The following PCDHA3 variants were observed in gnomAD, a reference collection of about 807,000 sequenced individuals.
The protein encoded by PCDHA3 is protocadherin alpha-3.
PCDHA3 carries 41 observed loss-of-function variants against 62.2 expected under a neutral mutation model. The ratio of observed to expected loss-of-function variants is 0.66; its 90% CI spans 0.51 to 0.86. The LOEUF is 0.86. Ranked by LOEUF, PCDHA3 falls within the 40% of genes least tolerant of loss-of-function variation. The pLI, the probability that PCDHA3 is intolerant of heterozygous loss-of-function variation, is 0.00. For missense variants in PCDHA3, 1,304 were observed against 1,241.2 expected, an observed-to-expected ratio of 1.05 and a Z score of -0.76; for synonymous variants, 640 against 555.4, an observed-to-expected ratio of 1.15 and a Z score of -2.14.
intron 1 of PCDHA3, among the ~76,000 whole-genome samples, chr5:140,908,583 T>C (rs1245727862): frequency 1.3e-5 from 2 of 152,088 alleles, no homozygotes; most frequent in Admixed American, 1.3e-4. Context: ...GGAGAGTAGT[T>C]AGCTGCAGAA....
At chr5:140,967,697 G>A (rs1554229803) in intron 1 of PCDHA3, 1 of 1,614,196 alleles carries the variant, frequency 6.2e-7, no homozygotes, top group Admixed American at 1.7e-5. Flanking sequence ...CTTCAGCATA[G>A]ATGCCAGTAC....
At chr5:140,985,103 A>C (rs1342526252) in intron 3 of PCDHA3, among the ~76,000 whole-genome samples, 1 of 151,694 alleles carries the variant, frequency 6.6e-6, no homozygotes, top group Admixed American at 6.6e-5. Context: ...AAGCCTGGCT[A>C]ATTTTTTGTG....
chr5:141,009,407 G>T (rs990895210), intron 3 of PCDHA3, among the ~76,000 whole-genome samples: 2 of 152,184 alleles, frequency 1.3e-5, no homozygotes, highest in Admixed American at 6.5e-5. Flanking sequence ...TGCAGTGACT[G>T]CATTTCAGCC....
At chr5:140,805,701 T>C in intron 1 of PCDHA3, 1 of 651,486 alleles carries the variant, frequency 1.5e-6, no homozygotes, top group Non-Finnish European at 1.9e-6. Context: ...TTACCAAGAA[T>C]TAGAATAAAA....
intron 1 of PCDHA3, chr5:140,822,046 C>T (rs2150113189): frequency 6.2e-6 from 10 of 1,614,162 alleles, no homozygotes; most frequent in Middle Eastern, 3.3e-4. Flanking sequence ...TCGGATCGAC[C>T]GGGAGGAGCT....
chr5:140,879,923 G>C (rs2058180033), intron 1 of PCDHA3, among the ~76,000 whole-genome samples: 1 of 152,132 alleles, frequency 6.6e-6, no homozygotes, highest in South Asian at 2.1e-4. Context: ...GTTTTACAAA[G>C]GTACATGTGA....
At chr5:140,956,924 G>A (rs2095321295) in intron 1 of PCDHA3, among the ~76,000 whole-genome samples, 2 of 151,898 alleles carry the variant, frequency 1.3e-5, no homozygotes, top group Non-Finnish European at 2.9e-5. Flanking sequence ...TAATCTTGCT[G>A]GATATAGGAT....
intron 1 of PCDHA3, among the ~76,000 whole-genome samples, chr5:140,819,596 C>T (rs1208093967): frequency 6.6e-6 from 1 of 152,000 alleles, no homozygotes; most frequent in Non-Finnish European, 1.5e-5. Flanking sequence ...TGTTCTTTTC[C>T]TGTGGAGTCT....
At chr5:140,859,421 T>A in intron 1 of PCDHA3, 1 of 232,516 alleles carries the variant, frequency 4.3e-6, no homozygotes, top group Non-Finnish European at 8.1e-6. Flanking sequence ...TGATATAGAC[T>A]CAGAAATGAA....
chr5:140,829,914 C>T (rs782449533), intron 1 of PCDHA3: 1 of 1,613,998 alleles, frequency 6.2e-7, no homozygotes, highest in Non-Finnish European at 8.5e-7. Flanking sequence ...GCGTGGCTTT[C>T]GTATGAGCTG....
intron 1 of PCDHA3, among the ~76,000 whole-genome samples, chr5:140,977,568 G>A (rs547387044): frequency 1.3e-5 from 2 of 152,312 alleles, no homozygotes; most frequent in East Asian, 1.9e-4. Context: ...TAGCAGATTG[G>A]TAGAATAGAG....
At chr5:140,941,210 T>TCTTCCTTTCTTTCTTC (rs2092851427) in intron 1 of PCDHA3, among the ~76,000 whole-genome samples, 1 of 100,630 alleles carries the variant, frequency 9.9e-6, no homozygotes, top group South Asian at 2.9e-4. Context: ...TTCCTTTCTT[T>TCTTCCTTTCTTTCTTC]CTTCCTTTCT....
intron 1 of PCDHA3, chr5:140,808,961 G>A (rs142493803): frequency 6.2e-7 from 1 of 1,613,440 alleles, no homozygotes; most frequent in African/African-American, 1.3e-5. Context: ...CCACGTGGTG[G>A]CAAAGGTGCG....
rs782441014 is a variant in PCDHA3 at position 140,870,020 on chromosome 5, C to T, written c.2394+66429C>T. On this transcript the variant is annotated intron_variant, in intron 1 of 3. Transcript: ENST00000522353. ...AATGGAGAAGTGAGGGTCAATGGAACTTTAGATTATGAAGAAAACAAGTTT... is the reference window on the plus strand; with the variant it reads ...AATGGAGAAGTGAGGGTCAATGGAATTTTAGATTATGAAGAAAACAAGTTT... The T allele has an allele frequency of 1.9e-6, 3 of 1,613,394 alleles. No individual in the cohort carries two copies. The highest frequency in any genetic ancestry group is 2.7e-5 in the African/African-American group (2 of 74,862).
intron 1 of PCDHA3, among the ~76,000 whole-genome samples, chr5:140,976,160 T>A (rs1554237376): frequency 6.6e-6 from 1 of 152,196 alleles, no homozygotes; most frequent in Admixed American, 6.5e-5. Context: ...TTTTACTACT[T>A]TTAGTTTTGT....
chr5:140,945,678 C>T (rs2093827274), intron 1 of PCDHA3, among the ~76,000 whole-genome samples: 1 of 152,078 alleles, frequency 6.6e-6, no homozygotes, highest in Non-Finnish European at 1.5e-5. Context: ...AATAAATCCA[C>T]ACAGTTACTG....
At chr5:140,958,547 A>C (rs528303266) in intron 1 of PCDHA3, among the ~76,000 whole-genome samples, 3 of 152,308 alleles carry the variant, frequency 2.0e-5, no homozygotes, top group East Asian at 3.9e-4. Flanking sequence ...TTTATGAACC[A>C]ATAAATGTTT....
Position 140,843,393 on chromosome 5 carries a change from C to T in PCDHA3, c.2394+39802C>T. ...TCGGCTGGCGTTTTGGGTCCGGAAG[C>T]GGCGCTGGTGGATGTCAACGTGTAC... On this transcript the variant is annotated intron_variant, in intron 1 of 3. Coordinates refer to ENST00000522353, the MANE Select transcript of PCDHA3 (RefSeq NM_018906.3). The T allele has an allele frequency of 1.9e-6, 3 of 1,596,052 alleles. 1 individual carries two copies. Among genetic ancestry groups the T allele is most frequent in the South Asian group, 2.2e-5 (2 of 90,510 alleles).
intron 1 of PCDHA3, among the ~76,000 whole-genome samples, chr5:140,855,055 T>C (rs562005171): frequency 2.0e-5 from 3 of 150,120 alleles, no homozygotes; most frequent in African/African-American, 7.3e-5. Flanking sequence ...AGTACTTTTC[T>C]GTTTTCTTAA....
Sources: allele counts gnomAD v4.1 joint callset (sites outside exome capture counted in the v4.1 genomes callset), GRCh38; gene constraint gnomAD v4.1.1; transcripts MANE v1.5; gene names NCBI Gene and HGNC (gene_info 2026-07-23, HGNC 2026-07-21).